The following NOL11 variants were observed in gnomAD, a reference collection of about 807,000 sequenced individuals.
NOL11 encodes the protein nucleolar protein 11.
Under a neutral mutation model 93.0 loss-of-function variants are expected in NOL11, and 42 were observed. The observed-to-expected ratio is 0.45, with a 90% CI of 0.35 to 0.58. The LOEUF (loss-of-function observed/expected upper bound fraction) is 0.58, where lower values mean the gene tolerates loss of function less well. NOL11 is among the 20% of genes least tolerant of loss of function. The probability of loss-of-function intolerance (pLI) is 0.00; values close to 1 mark genes in which losing one functional copy is unlikely to be tolerated. For missense variants in NOL11, 775 were observed against 841.8 expected (o/e 0.92, Z 0.98); for synonymous variants, 296 against 293.7 (o/e 1.01, Z -0.08).
intron 6 of NOL11, 148 bp from the exon 7 acceptor site, chr17:67,726,312 A>T: frequency 1.8e-6 from 1 of 541,530 alleles, no homozygotes; most frequent in Non-Finnish European, 3.0e-6. Context: ...GGTACTCTTT[A>T]AGAGAAAGCA....
In NOL11 at chr17:67,725,753, A is replaced by G. The variant is rs2055085332; in HGVS notation, c.665-707A>G. ...TTCAGTTGGCCCACAAGAAAGAGCA[A>G]TTTCATAAGGTTTTCAGGGTGATGA... On this transcript the variant is annotated intron_variant, in intron 6 of 17. Coordinates refer to ENST00000253247, the MANE Select transcript of NOL11 (RefSeq NM_015462.5). Among the ~76,000 whole-genome samples the G allele has an allele frequency of 2.6e-5, 4 of 152,278 alleles. No homozygotes were observed. The South Asian group carries it at 8.3e-4, about 32-fold the overall frequency.
chr17:67,733,451 T>A (rs1337340481), intron 7 of NOL11, among the ~76,000 whole-genome samples: 1 of 152,174 alleles, frequency 6.6e-6, no homozygotes, highest in East Asian at 1.9e-4. Context: ...TAAGCCTCCA[T>A]GTCTTGTTTC....
chr17:67,737,032 A>T (rs1162263980), intron 10 of NOL11, 39 bp from the exon 11 acceptor site: 1 of 1,280,488 alleles, frequency 7.8e-7, no homozygotes, highest in Non-Finnish European at 1.1e-6. Flanking sequence ...TGGATCTCTT[A>T]TATTGTTTTG....
intron 7 of NOL11, among the ~76,000 whole-genome samples, chr17:67,730,129 A>G (rs536189777): frequency 9.8e-5 from 15 of 152,294 alleles, no homozygotes; most frequent in African/African-American, 3.4e-4. Context: ...TTGTATATAT[A>G]TAACAGTTTG....
At position 67,719,803 on chromosome 17, in the gene NOL11, TTTGTA is replaced by T; in HGVS notation, c.255+18_255+22del. On this transcript the variant is annotated intron_variant, in intron 2 of 17. Coordinates refer to ENST00000253247, the MANE Select transcript of NOL11 (RefSeq NM_015462.5). ...CGATAATAAGGTGAGTTTTAAAACT[TTTGTA>T]TAATATATACAATATAAATGTTGAT... 2.0e-6 allele frequency: 3 copies of T among 1,526,530 alleles called. No homozygotes were observed. The highest frequency in any genetic ancestry group is 2.7e-6 in the Non-Finnish European group (3 of 1,112,790). 94.6% of individuals were successfully genotyped at this position (1,526,530 alleles called of 1,614,324 possible).
rs1218199588 is a variant in NOL11, at chr17:67,732,259, A to T, written c.854-2104A>T. ...CACTTTGGGAGGCCAAGGTGGCCGGATCACCCAAGGTCAGGAGTTTGAGAC... is the reference window on the plus strand; with the variant it reads ...CACTTTGGGAGGCCAAGGTGGCCGGTTCACCCAAGGTCAGGAGTTTGAGAC... On this transcript the variant is annotated intron_variant, in intron 7 of 17. Coordinates refer to ENST00000253247, the MANE Select transcript of NOL11 (RefSeq NM_015462.5). Among the ~76,000 whole-genome samples the T allele has an allele frequency of 7.2e-5, 11 of 152,126 alleles. No individual in the cohort carries two copies. In the East Asian group the frequency reaches 2.1e-3, roughly 29 times the overall value.
chr17:67,733,907 A>AT (rs1218166032), intron 7 of NOL11, among the ~76,000 whole-genome samples: 5 of 150,272 alleles, frequency 3.3e-5, no homozygotes, highest in South Asian at 2.1e-4. Context: ...TTTGATTAGG[A>AT]TTTTTTTTTG....
chr17:67,721,664 A>G, intron 4 of NOL11, 138 bp downstream of exon 4: 1 of 695,944 alleles, frequency 1.4e-6, no homozygotes, highest in Non-Finnish European at 2.4e-6. Context: ...ACTGACTAAA[A>G]CAACATCCTA....
At chr17:67,723,212 A>G (rs1421498611) in intron 5 of NOL11, among the ~76,000 whole-genome samples, 10 of 150,646 alleles carry the variant, frequency 6.6e-5, no homozygotes, top group Non-Finnish European at 1.0e-4. Flanking sequence ...GGGTTTCTCC[A>G]TGTTGGTCAG....
rs1272455114 is a variant in NOL11 at position 67,726,600 on chromosome 17, G to T, written c.805G>T (p.Asp269Tyr). Reference sequence around the variant, plus strand: ...AAATGGAGTTGCACTCACTGCCCTGGATCAGGATCACGTCGCAGTCCTAGG... The same window carrying T: ...AAATGGAGTTGCACTCACTGCCCTGTATCAGGATCACGTCGCAGTCCTAGG... ...ARNGVALTAL[D>Y]QDHVAVLGSP... The change falls in exon 7 of 18, where the codon GAT becomes TAT. Residue 269 changes from aspartate to tyrosine, a missense_variant. Around this residue, in one of 2 missense-constraint regions of NOL11, gnomAD observed 416 missense variants for 525.2 expected, o/e 0.79. Transcript: ENST00000253247. The T allele has an allele frequency of 6.2e-7, 1 of 1,613,788 alleles. No homozygotes were observed. Among genetic ancestry groups the T allele is most frequent in the Non-Finnish European group, 8.5e-7 (1 of 1,179,914 alleles).
Position 67,737,915 on chromosome 17 carries a change from A to C in NOL11, c.1472A>C (p.Gln491Pro). ...GTACAGTTGTTACAACTCTGTCTAC[A>C]GCAGTTCCCTGACATTCCTGAATCA... The part of the protein sequence containing the change: ...KDVQLLQLCL[Q>P]QFPDIPESVT... The change falls in exon 13 of 18, where the codon CAG becomes CCG. Residue 491 changes from glutamine to proline, a missense_variant. By Grantham distance (76) the Gln-to-Pro change is moderately conservative (BLOSUM62 -1). This residue lies in a region of NOL11 where 416 missense variants were observed against 525.2 expected (regional missense o/e 0.79). Transcript: ENST00000253247. 1 of 1,613,772 alleles carries C rather than the reference A, an allele frequency of 6.2e-7. No homozygotes were observed. The highest frequency in any genetic ancestry group is 1.1e-5 in the South Asian group (1 of 91,028).
Position 67,719,952 on chromosome 17 carries a change from T to G in NOL11, c.302T>G (p.Phe101Cys). ...GAAGATGTAAACCTGGATAAAGTATTTAAAGCTACAGTAAGTCTTTGAATT... is the reference window on the plus strand; with the variant it reads ...GAAGATGTAAACCTGGATAAAGTATGTAAAGCTACAGTAAGTCTTTGAATT... ...NNEDVNLDKV[F>C]KATLSAEVYR... Residue 101 changes from phenylalanine to cysteine, a missense_variant, in exon 3 of 18, where the codon TTT (phenylalanine) becomes TGT (cysteine). This residue lies in a region of NOL11 where 359 missense variants were observed against 316.5 expected (regional missense o/e 1.13). Coordinates refer to ENST00000253247, the MANE Select transcript of NOL11 (RefSeq NM_015462.5). 3.2e-6 allele frequency: 5 copies of G among 1,565,662 alleles called. No homozygotes were observed. Among genetic ancestry groups the G allele is most frequent in the Non-Finnish European group, 4.3e-6 (5 of 1,153,354 alleles).
At chr17:67,727,565 G>T (rs149167751) in intron 7 of NOL11, among the ~76,000 whole-genome samples, 7 of 152,250 alleles carry the variant, frequency 4.6e-5, no homozygotes, top group Non-Finnish European at 1.0e-4. Flanking sequence ...GCTGAGGCAG[G>T]AGGATCGCTT....
intron 7 of NOL11, among the ~76,000 whole-genome samples, chr17:67,731,916 G>A (rs558185677): frequency 2.2e-4 from 33 of 152,250 alleles, no homozygotes; most frequent in Admixed American, 1.8e-3. Context: ...CTCCAACTTT[G>A]TTCTTCTTTT....
chr17:67,726,526 G>A lies in NOL11; in HGVS notation c.731G>A (p.Ser244Asn). 6.2e-7 allele frequency: 1 copy of A among 1,614,134 alleles called. No homozygotes were observed. The highest frequency in any genetic ancestry group is 8.5e-7 in the Non-Finnish European group (1 of 1,180,024). The change falls in exon 7 of 18, where the codon AGC becomes AAC. Residue 244 changes from serine to asparagine, a missense_variant. By Grantham distance (46) the Ser-to-Asn change is conservative. Transcript: ENST00000253247. ...CCAGCTGACCCAGAAAAAAATCAGA[G>A]CTTAGTTAAATCACTGCTGCTCAAG... ...IRPADPEKNQ[S>N]LVKSLLLKAV...
At chr17:67,722,437 C>CA in intron 4 of NOL11, 143 bp from the exon 5 acceptor site, 1 of 1,312,090 alleles carries the variant, frequency 7.6e-7, no homozygotes, top group Non-Finnish European at 1.0e-6. Flanking sequence ...GTATATGTTT[C>CA]AAAACGCCCA....
intron 4 of NOL11, among the ~76,000 whole-genome samples, chr17:67,721,824 C>G (rs1344333661): frequency 6.6e-6 from 1 of 152,146 alleles, no homozygotes; most frequent in African/African-American, 2.4e-5. Context: ...TACCAAGCTC[C>G]CATCCTTGTC....
intron 14 of NOL11, 65 bp from the exon 15 acceptor site, chr17:67,738,867 A>G (rs184728606): frequency 4.4e-5 from 44 of 992,118 alleles, no homozygotes; most frequent in East Asian, 2.1e-4. Flanking sequence ...TGACAAAGGA[A>G]GTTACTCATA....
At chr17:67,729,821 C>T (rs773852495) in intron 7 of NOL11, among the ~76,000 whole-genome samples, 13 of 152,064 alleles carry the variant, frequency 8.5e-5, no homozygotes, top group African/African-American at 1.4e-4. Flanking sequence ...CCTCATGATC[C>T]GCCCACCTCG....
Sources: allele counts gnomAD v4.1 joint callset (sites outside exome capture counted in the v4.1 genomes callset), GRCh38; gene constraint gnomAD v4.1.1; regional missense constraint gnomAD v4.1.1; transcripts MANE v1.5; gene names NCBI Gene and HGNC (gene_info 2026-07-23, HGNC 2026-07-21).